Variants in PTPRM observed in about 807,000 individuals in gnomAD.
PTPRM encodes the protein receptor-type tyrosine-protein phosphatase mu.
A neutral mutation model predicts 186.7 loss-of-function variants in PTPRM; 47 were observed. The observed-to-expected ratio is 0.25, with a 90% CI of 0.20 to 0.32. The LOEUF (loss-of-function observed/expected upper bound fraction) is 0.32. PTPRM is among the 10% of genes least tolerant of loss of function. The pLI is 1.00. For synonymous variants in PTPRM, 668 were observed against 674.9 expected, an observed-to-expected ratio of 0.99 and a Z score of 0.16; for missense variants, 1,494 against 1,865.0, an observed-to-expected ratio of 0.80 and a Z score of 3.66.
chr18:8,397,125 C>T (rs144986681), intron 32 of PTPRM, among the ~76,000 whole-genome samples: 1 of 152,342 alleles, frequency 6.6e-6, no homozygotes, highest in Non-Finnish European at 1.5e-5. Flanking sequence ...CGAGCATGTG[C>T]CAGACAGCCC....
intron 20 of PTPRM, 34 bp downstream of exon 20, chr18:8,296,489 A>G (rs759083151): frequency 1.3e-6 from 2 of 1,509,036 alleles, no homozygotes; most frequent in Admixed American, 1.7e-5. Context: ...GCTGTTGTAG[A>G]ACTTCCTTTT....
chr18:8,315,670 C>A (rs756936259), intron 21 of PTPRM, among the ~76,000 whole-genome samples: 1 of 152,118 alleles, frequency 6.6e-6, no homozygotes, highest in South Asian at 2.1e-4. Flanking sequence ...TCAGTACTTC[C>A]ATAGACAGGA....
At chr18:7,747,164 T>C (rs112343367) in intron 1 of PTPRM, among the ~76,000 whole-genome samples, 15 of 152,344 alleles carry the variant, frequency 9.8e-5, no homozygotes, top group African/African-American at 3.6e-4. Flanking sequence ...GTTTCACTTT[T>C]GTTTTTTAAA....
At chr18:8,249,486 T>C (rs571184410) in intron 17 of PTPRM, among the ~76,000 whole-genome samples, 2 of 152,272 alleles carry the variant, frequency 1.3e-5, no homozygotes, top group South Asian at 4.1e-4. Context: ...CACAGGCTAA[T>C]CTTAGGCACC....
At chr18:7,773,181 G>A (rs1013930700) in intron 1 of PTPRM, among the ~76,000 whole-genome samples, 1 of 151,852 alleles carries the variant, frequency 6.6e-6, no homozygotes, top group Non-Finnish European at 1.5e-5. Flanking sequence ...GCTTAGTCTC[G>A]AATTTATTTT....
chr18:7,578,588 G>T (rs1473720706), intron 1 of PTPRM, among the ~76,000 whole-genome samples: 9 of 151,942 alleles, frequency 5.9e-5, no homozygotes, highest in African/African-American at 2.2e-4. Flanking sequence ...GCCCACCTTG[G>T]CCTCCCAAAG....
At chr18:7,985,748 C>T (rs1299620011) in intron 7 of PTPRM, among the ~76,000 whole-genome samples, 2 of 151,580 alleles carry the variant, frequency 1.3e-5, no homozygotes, top group Non-Finnish European at 2.9e-5. Context: ...ATGGAGTTTC[C>T]ATCCCCTCAA....
At chr18:7,582,532 T>C (rs867242647) in intron 1 of PTPRM, among the ~76,000 whole-genome samples, 1 of 152,200 alleles carries the variant, frequency 6.6e-6, no homozygotes, top group African/African-American at 2.4e-5. Flanking sequence ...CTCCTTGGTA[T>C]GTGAGGCTGC....
chr18:7,955,589 C>G (rs1370086191), intron 7 of PTPRM, among the ~76,000 whole-genome samples, 175 bp downstream of exon 7: 1 of 152,140 alleles, frequency 6.6e-6, no homozygotes, highest in African/African-American at 2.4e-5. Flanking sequence ...ACTTGGGGAC[C>G]AGTAACCTCC....
rs1023432622 is a variant in PTPRM at position 7,617,730 on chromosome 18, C to T, written c.73+49839C>T. Among the ~76,000 whole-genome samples, 7 of 152,128 alleles carry T rather than the reference C, an allele frequency of 4.6e-5. No homozygotes were observed. The South Asian group carries it at 6.2e-4, about 14-fold the overall frequency. Reference sequence around the variant, plus strand: ...AATATATGTGTTTCTTTCTCCTTTCCGCTGGTATAAGCATTTCGTGAGAAG... The same window carrying T: ...AATATATGTGTTTCTTTCTCCTTTCTGCTGGTATAAGCATTTCGTGAGAAG... On this transcript the variant is annotated intron_variant, in intron 1 of 32. Coordinates refer to ENST00000580170, the MANE Select transcript of PTPRM (RefSeq NM_001105244.2).
intron 2 of PTPRM, among the ~76,000 whole-genome samples, chr18:7,805,092 C>T (rs1042939916): frequency 2.6e-5 from 4 of 152,186 alleles, no homozygotes; most frequent in Non-Finnish European, 4.4e-5. Context: ...AGTCACTCTT[C>T]GTCTTTATCC....
intron 1 of PTPRM, among the ~76,000 whole-genome samples, chr18:7,622,396 G>A (rs2037962020): frequency 6.6e-6 from 1 of 152,034 alleles, no homozygotes; most frequent in African/African-American, 2.4e-5. Context: ...ATGCTGCTAT[G>A]AGAGGAATTG....
intron 7 of PTPRM, chr18:7,995,670 C>A (rs1436065417): frequency 6.6e-6 from 1 of 152,202 alleles, no homozygotes; most frequent in Non-Finnish European, 1.5e-5. Context: ...ACAGTGTTCT[C>A]TCCTGAGCAT....
Position 7,906,610 on chromosome 18 carries a change from C to T in PTPRM, c.547+27C>T, listed in dbSNP as rs776383130. On this transcript the variant is annotated intron_variant, in intron 4 of 32. Transcript: ENST00000580170. ...TAAGTTGTCTTTATTTGTAAATATTCGGGTACATCATTGGGGGCATGTTTA... is the reference window on the plus strand; with the variant it reads ...TAAGTTGTCTTTATTTGTAAATATTTGGGTACATCATTGGGGGCATGTTTA... The T allele has an allele frequency of 2.5e-5, 38 of 1,520,084 alleles. 1 individual carries two copies. The highest frequency in any genetic ancestry group is 1.8e-4 in the Admixed American group (11 of 59,842). The allele number at this position is 1,520,084 out of a possible 1,614,324, so 94.2% of individuals were successfully genotyped here.
chr18:8,240,244 C>G (rs1326148039), intron 14 of PTPRM, among the ~76,000 whole-genome samples: 1 of 152,046 alleles, frequency 6.6e-6, no homozygotes, highest in Non-Finnish European at 1.5e-5. Flanking sequence ...AGCATTTGAC[C>G]TGTACAGGCA....
At chr18:7,718,077 A>G (rs1168959888) in intron 1 of PTPRM, among the ~76,000 whole-genome samples, 1 of 151,836 alleles carries the variant, frequency 6.6e-6, no homozygotes, top group African/African-American at 2.4e-5. Context: ...TTAAATTCAT[A>G]TGGAACCAAA....
intron 7 of PTPRM, among the ~76,000 whole-genome samples, chr18:8,024,212 G>A (rs578020095): frequency 6.6e-6 from 1 of 152,078 alleles, no homozygotes; most frequent in South Asian, 2.1e-4. Flanking sequence ...AGTATCAGTA[G>A]TCTTATTTAT....
chr18:8,114,899 CT>C, intron 13 of PTPRM, 72 bp downstream of exon 13: 1 of 1,238,118 alleles, frequency 8.1e-7, no homozygotes, highest in Non-Finnish European at 1.1e-6. Flanking sequence ...TGTTTCAAAA[CT>C]TTTTGAACTG....
chr18:7,943,493 C>G (rs1473451803), intron 5 of PTPRM, among the ~76,000 whole-genome samples: 1 of 152,170 alleles, frequency 6.6e-6, no homozygotes, highest in African/African-American at 2.4e-5. Flanking sequence ...CAAAAAGCCA[C>G]AGGGCTTTTA....
Sources: gnomAD v4.1 joint callset for allele counts (sites outside exome capture counted in the v4.1 genomes callset) on GRCh38, gnomAD v4.1.1 for gene constraint, MANE v1.5 for transcripts, NCBI Gene and HGNC (gene_info 2026-07-23, HGNC 2026-07-21) for gene names.